Variants in LUZP2 observed in about 807,000 individuals in gnomAD.
The protein encoded by LUZP2 is leucine zipper protein 2.
A neutral mutation model predicts 51.6 loss-of-function variants in LUZP2; 52 were observed. The observed-to-expected ratio is 1.01, with a 90% CI of 0.81 to 1.27. The LOEUF is 1.27. Ranked by LOEUF, LUZP2 falls within the 50% of genes most tolerant of loss-of-function variation. LUZP2 has a pLI of 0.00. For synonymous variants in LUZP2, 154 were observed against 137.3 expected, an observed-to-expected ratio of 1.12 and a Z score of -0.85; for missense variants, 436 against 395.4, an observed-to-expected ratio of 1.10 and a Z score of -0.87.
chr11:24,924,399 C>T (rs1854166759), intron 7 of LUZP2, among the ~76,000 whole-genome samples: 2 of 152,006 alleles, frequency 1.3e-5, no homozygotes. Flanking sequence ...TTTATTTACT[C>T]TCCCCTTTTT....
chr11:24,694,999 C>T (rs1857201146), intron 1 of LUZP2, among the ~76,000 whole-genome samples: 1 of 151,772 alleles, frequency 6.6e-6, no homozygotes, highest in Non-Finnish European at 1.5e-5. Context: ...ACATAGATGA[C>T]AGGGTGATAA....
intron 9 of LUZP2, among the ~76,000 whole-genome samples, chr11:25,023,033 C>G (rs939018186): frequency 6.6e-6 from 1 of 152,134 alleles, no homozygotes; most frequent in Non-Finnish European, 1.5e-5. Flanking sequence ...TTTTGATATG[C>G]TGCTGGATTC....
chr11:24,732,200 C>CTTTTTT lies in LUZP2; in HGVS notation c.251+14_251+19dup. 1.3e-6 allele frequency: 2 copies of CTTTTTT among 1,586,288 alleles called. No homozygotes were observed. Among genetic ancestry groups the CTTTTTT allele is most frequent in the Non-Finnish European group, 1.7e-6 (2 of 1,164,448 alleles). On this transcript the variant is annotated intron_variant, in intron 3 of 11. Transcript: ENST00000336930. ...GGACAGAAACAAAGGTAAGACTTTT[C>CTTTTTT]TTTTTTTCTTAGTTATTTCTGCCAT...
At chr11:24,528,495 T>C (rs553885525) in intron 1 of LUZP2, among the ~76,000 whole-genome samples, 1 of 151,328 alleles carries the variant, frequency 6.6e-6, no homozygotes, top group Non-Finnish European at 1.5e-5. Flanking sequence ...GAGAAGCATC[T>C]CTTTCTTTTT....
intron 1 of LUZP2, among the ~76,000 whole-genome samples, chr11:24,687,435 T>A (rs11028105): frequency 0.18 from 27,829 of 152,062 alleles, 2,649 homozygotes; most frequent in East Asian, 0.32. Context: ...GAGGATTAAA[T>A]GAATTTAATC....
chr11:24,753,864 G>A (rs566160345), intron 4 of LUZP2, among the ~76,000 whole-genome samples: 4 of 152,126 alleles, frequency 2.6e-5, no homozygotes, highest in African/African-American at 9.6e-5. Flanking sequence ...CCACGGATGG[G>A]TTTCTCATTG....
intron 7 of LUZP2, among the ~76,000 whole-genome samples, chr11:24,919,580 A>T (rs1382606225): frequency 1.4e-5 from 2 of 145,198 alleles, no homozygotes; most frequent in African/African-American, 2.5e-5. Flanking sequence ...TAATTTAAAT[A>T]CACAGGATAG....
intron 9 of LUZP2, among the ~76,000 whole-genome samples, chr11:25,003,411 T>A (rs7951292): frequency 6.6e-6 from 1 of 152,092 alleles, no homozygotes; most frequent in Non-Finnish European, 1.5e-5. Flanking sequence ...GGTCCAGAAC[T>A]GTGAACCATT....
chr11:24,740,197 A>C (rs990071516), intron 4 of LUZP2, among the ~76,000 whole-genome samples: 1 of 152,192 alleles, frequency 6.6e-6, no homozygotes, highest in Non-Finnish European at 1.5e-5. Flanking sequence ...AATTCAAATA[A>C]CGTGTTTCTA....
In LUZP2 at chr11:24,611,200, A is replaced by G. The variant is rs913888103; in HGVS notation, c.62+113895A>G. On this transcript the variant is annotated intron_variant, in intron 1 of 11. Coordinates refer to ENST00000336930, the MANE Select transcript of LUZP2 (RefSeq NM_001009909.4). This position sits in a 1 kb window ranked among gnomAD's most constrained non-coding sequence, Gnocchi z 4.6. ...ATTCATTCAAAAATAGTCAACTTTT[A>G]CTTTGTGCCGAGGTTGTGCTAGCTA... Among the ~76,000 whole-genome samples, 11 of 152,190 alleles carry G rather than the reference A, an allele frequency of 7.2e-5. No homozygotes were observed. In the East Asian group the frequency reaches 9.7e-4, roughly 13 times the overall value.
intron 5 of LUZP2, among the ~76,000 whole-genome samples, chr11:24,876,513 G>T (rs1198626551): frequency 4.7e-5 from 7 of 148,644 alleles, no homozygotes; most frequent in Admixed American, 2.7e-4. Context: ...TTGTAGTATA[G>T]TTTGAAGTCA....
At chr11:24,707,367 T>TGAA (rs1231860993) in intron 1 of LUZP2, among the ~76,000 whole-genome samples, 15 of 151,818 alleles carry the variant, frequency 9.9e-5, no homozygotes, top group Non-Finnish European at 1.3e-4. Context: ...AAATGCACCA[T>TGAA]GAAGACTACC....
intron 5 of LUZP2, among the ~76,000 whole-genome samples, chr11:24,851,981 T>G (rs1388454606): frequency 4.6e-5 from 7 of 152,182 alleles, no homozygotes; most frequent in Admixed American, 2.0e-4. Flanking sequence ...TTATCATTTT[T>G]TATTGTGTCT....
At chr11:25,049,954 A>G in intron 9 of LUZP2, 84 bp from the exon 10 acceptor site, 1 of 676,468 alleles carries the variant, frequency 1.5e-6, no homozygotes, top group Non-Finnish European at 2.3e-6. Context: ...GTGTTACAAT[A>G]AAACGATTTG....
At chr11:24,875,462 A>G (rs568294784) in intron 5 of LUZP2, among the ~76,000 whole-genome samples, 92 of 136,342 alleles carry the variant, frequency 6.7e-4, no homozygotes, top group Middle Eastern at 7.1e-3. Context: ...ATAGTATTCC[A>G]TGGTGTATAT....
At chr11:24,625,495 A>G (rs1168758894) in intron 1 of LUZP2, among the ~76,000 whole-genome samples, 2 of 152,110 alleles carry the variant, frequency 1.3e-5, no homozygotes, top group Non-Finnish European at 2.9e-5. Context: ...TATACATATA[A>G]AAATCAATTT....
At chr11:24,629,117 A>G (rs567283407) in intron 1 of LUZP2, among the ~76,000 whole-genome samples, 46 of 152,234 alleles carry the variant, frequency 3.0e-4, no homozygotes, top group African/African-American at 1.1e-3. Context: ...ATGGGATACA[A>G]GTGCAATTTT....
intron 1 of LUZP2, among the ~76,000 whole-genome samples, chr11:24,700,820 A>G (rs1699090089): frequency 6.6e-6 from 1 of 152,138 alleles, no homozygotes; most frequent in African/African-American, 2.4e-5. Flanking sequence ...GACAGGAGTA[A>G]GAAAATATGT....
chr11:24,786,320 G>A, intron 5 of LUZP2: 1 of 981,478 alleles, frequency 1.0e-6, no homozygotes, highest in Non-Finnish European at 1.2e-6. Flanking sequence ...TTTACCACGG[G>A]AAAAAAGTAG....
Sources: allele counts gnomAD v4.1 joint callset (sites outside exome capture counted in the v4.1 genomes callset), GRCh38; gene constraint gnomAD v4.1.1; non-coding constraint Gnocchi (gnomAD v3.1); transcripts MANE v1.5; gene names NCBI Gene and HGNC (gene_info 2026-07-23, HGNC 2026-07-21).